Variants in AMZ2 observed in about 807,000 individuals in gnomAD.
The protein encoded by AMZ2 is archaemetzincin-2.
AMZ2 carries 26 observed loss-of-function variants against 36.7 expected under a neutral mutation model. That is an observed-to-expected ratio of 0.71 (90% confidence interval 0.52 to 0.98). The LOEUF (loss-of-function observed/expected upper bound fraction) is 0.98. AMZ2 is among the 50% of genes least tolerant of loss of function. The pLI, the probability that AMZ2 is intolerant of heterozygous loss-of-function variation, is 0.00. For missense variants in AMZ2, 394 were observed against 430.5 expected, an observed-to-expected ratio of 0.92 and a Z score of 0.75; for synonymous variants, 144 against 149.1, an observed-to-expected ratio of 0.97 and a Z score of 0.25.
At chr17:68,248,996 C>A (rs1338247686) in intron 1 of AMZ2, 2 of 1,004,894 alleles carry the variant, frequency 2.0e-6, no homozygotes, top group East Asian at 7.6e-5. Context: ...TCAACTTTTT[C>A]CTTAATTCAA....
chr17:68,231,541 T>TA lies in AMZ2; in HGVS notation c.-66-17096dup, dbSNP rs1304828537. Among the ~76,000 whole-genome samples, 2 of 60,780 alleles carry TA rather than the reference T, an allele frequency of 3.3e-5. 1 individual carries two copies. Among genetic ancestry groups the TA allele is most frequent in the African/African-American group, 2.0e-4 (2 of 9,928 alleles). 39.9% of individuals were successfully genotyped at this position (60,780 alleles called of 152,430 possible). A position where few individuals can be genotyped will look rare whatever the true frequency, so the allele number is the denominator to read the frequency against. On this transcript the variant is annotated intron_variant, in intron 1 of 7. Transcript: ENST00000674770. ...AATTTTTTTCCATCAAATATAAACTTAAAGAGAATTTTTCTGCAAGTCTTC... is the reference window on the plus strand; with the variant it reads ...AATTTTTTTCCATCAAATATAAACTTAAAAGAGAATTTTTCTGCAAGTCTTC...
intron 1 of AMZ2, among the ~76,000 whole-genome samples, chr17:68,217,875 T>G (rs1331584876): frequency 6.6e-6 from 1 of 150,640 alleles, no homozygotes; most frequent in Non-Finnish European, 1.5e-5. Flanking sequence ...TACAGTGACG[T>G]GATCTCAGCT....
intron 1 of AMZ2, among the ~76,000 whole-genome samples, chr17:68,224,919 T>C (rs2073474252): frequency 6.6e-6 from 1 of 151,904 alleles, no homozygotes; most frequent in Non-Finnish European, 1.5e-5. Flanking sequence ...GGCTCACACC[T>C]GTAATCCCAG....
intron 1 of AMZ2, among the ~76,000 whole-genome samples, chr17:68,207,970 G>A (rs1555724822): frequency 6.6e-6 from 1 of 152,154 alleles, no homozygotes; most frequent in African/African-American, 2.4e-5. Context: ...AGGCCCCGCC[G>A]GCCATGGGCA....
chr17:68,248,087 G>T lies in AMZ2; in HGVS notation c.-619G>T, dbSNP rs2074130668. On this transcript the variant is annotated 5_prime_UTR_variant, in exon 1 of 7. Transcript: ENST00000359904. ...CGCATGCGCGTGAGGGCTGCCGCGG[G>T]TGGGTGGTATCGAGGCCTGTCGGGT... is the stretch of plus-strand genomic sequence containing the variant. 1.0e-6 allele frequency: 1 copy of T among 986,218 alleles called. No homozygotes were observed. The highest frequency in any genetic ancestry group is 1.1e-4 in the East Asian group (1 of 8,838). 61.1% of individuals were successfully genotyped at this position (986,218 alleles called of 1,614,324 possible).
chr17:68,219,604 C>T (rs2073293751), intron 1 of AMZ2, among the ~76,000 whole-genome samples: 1 of 152,124 alleles, frequency 6.6e-6, no homozygotes, highest in Admixed American at 6.6e-5. Flanking sequence ...CAGTCATAGG[C>T]CACTTTCGCT....
chr17:68,254,323 T>C, intron 4 of AMZ2, 81 bp from the exon 5 acceptor site: 2 of 1,394,174 alleles, frequency 1.4e-6, no homozygotes, highest in South Asian at 1.4e-5. Flanking sequence ...ACTGGCCAGA[T>C]GGGCCAGCAG....
At chr17:68,209,146 C>T (rs1568336621) in intron 1 of AMZ2, among the ~76,000 whole-genome samples, 1 of 151,080 alleles carries the variant, frequency 6.6e-6, no homozygotes, top group African/African-American at 2.4e-5. Context: ...ATATTTATGT[C>T]TTATATGTAG....
upstream of AMZ2, among the ~76,000 whole-genome samples, chr17:68,243,500 T>C (rs578169906): frequency 2.0e-5 from 3 of 152,258 alleles, no homozygotes; most frequent in Non-Finnish European, 2.9e-5. Context: ...TTATGGTCTA[T>C]GATTAATAAT....
At chr17:68,207,932 C>T (rs1194305878) in intron 1 of AMZ2, among the ~76,000 whole-genome samples, 6 of 127,456 alleles carry the variant, frequency 4.7e-5, no homozygotes, top group Non-Finnish European at 7.0e-5. Flanking sequence ...GGTGTGGGCT[C>T]GGTGGGCACG....
rs201551087 is a variant in AMZ2, at chr17:68,227,549, TC to T, written c.-66-21089del. The stretch of plus-strand genomic sequence containing the variant: ...CTGCGGGCTCCAGGGGAGAATCTGT[TC>T]CTGGTCTCTTCCAGCTTCTGGTGGC... On this transcript the variant is annotated intron_variant, in intron 1 of 7. Transcript: ENST00000674770. 8.8e-3 allele frequency among the ~76,000 whole-genome samples: 1,345 copies of T among 152,320 alleles called. 15 individuals carry two copies. The highest frequency in any genetic ancestry group is 0.012 in the Non-Finnish European group (813 of 68,018).
chr17:68,207,240 C>G (rs1555724605), intron 1 of AMZ2: 1 of 151,320 alleles, frequency 6.6e-6, no homozygotes, highest in African/African-American at 2.4e-5. Context: ...ATGAATTTCT[C>G]CATGGTAACC....
At chr17:68,210,300 C>A (rs548295990) in intron 1 of AMZ2, among the ~76,000 whole-genome samples, 1 of 152,224 alleles carries the variant, frequency 6.6e-6, no homozygotes, top group African/African-American at 2.4e-5. Context: ...TGTGCATTAA[C>A]TGATGAATGG....
chr17:68,208,869 G>A (rs1417758901), intron 1 of AMZ2, among the ~76,000 whole-genome samples: 1 of 152,168 alleles, frequency 6.6e-6, no homozygotes, highest in Non-Finnish European at 1.5e-5. Flanking sequence ...AAGCCAGCGA[G>A]ACCACGAACC....
At chr17:68,239,799 AC>A (rs55960445) in intron 1 of AMZ2, among the ~76,000 whole-genome samples, 1 of 151,800 alleles carries the variant, frequency 6.6e-6, no homozygotes, top group African/African-American at 2.4e-5. Flanking sequence ...TGCACACAGA[AC>A]CCCCCACCAG....
chr17:68,256,241 G>T (rs1568387509), intron 6 of AMZ2, among the ~76,000 whole-genome samples: 1 of 152,146 alleles, frequency 6.6e-6, no homozygotes, highest in African/African-American at 2.4e-5. Flanking sequence ...TGGGACAGAG[G>T]TATGATGTTC....
rs2073722965 is a variant in AMZ2, at chr17:68,233,730, A to T, written c.-66-14910A>T. 2.0e-5 allele frequency among the ~76,000 whole-genome samples: 3 copies of T among 149,478 alleles called. No individual in the cohort carries two copies. In the South Asian group the frequency reaches 6.4e-4, roughly 32 times the overall value. On this transcript the variant is annotated intron_variant, in intron 1 of 7. Coordinates refer to the AMZ2 transcript ENST00000674770. ...TAATTTATTTTTATTATTTTTATTTATTTTTTTTTGGGACAGGGTCTTGCT... is the reference window on the plus strand; with the variant it reads ...TAATTTATTTTTATTATTTTTATTTTTTTTTTTTTGGGACAGGGTCTTGCT...
At chr17:68,246,030 G>A (rs145853908), upstream of AMZ2, among the ~76,000 whole-genome samples, 2 of 152,104 alleles carry the variant, frequency 1.3e-5, no homozygotes, top group Admixed American at 1.3e-4. Context: ...TGTAGGTGGG[G>A]CGCGGTGGCT....
At chr17:68,230,746 C>T (rs1464981752) in intron 1 of AMZ2, among the ~76,000 whole-genome samples, 1 of 152,160 alleles carries the variant, frequency 6.6e-6, no homozygotes, top group Non-Finnish European at 1.5e-5. Context: ...TCTCATGCTG[C>T]TTACCCCTTC....
Sources: gnomAD v4.1 joint callset for allele counts (sites outside exome capture counted in the v4.1 genomes callset) on GRCh38, gnomAD v4.1.1 for gene constraint, MANE v1.5 for transcripts, NCBI Gene and HGNC (gene_info 2026-07-23, HGNC 2026-07-21) for gene names.